The following COL4A6 variants were observed in gnomAD, a reference collection of about 807,000 sequenced individuals.
COL4A6 encodes the protein collagen alpha-6(IV) chain.
COL4A6 carries 59 observed loss-of-function variants against 126.7 expected under a neutral mutation model. That is an observed-to-expected ratio of 0.47 (90% CI 0.38 to 0.58). The LOEUF (loss-of-function observed/expected upper bound fraction) is 0.58. COL4A6 is among the 20% of genes least tolerant of loss of function. The probability of loss-of-function intolerance (pLI) is 0.00; values close to 1 mark genes in which losing one functional copy is unlikely to be tolerated. For missense variants in COL4A6, 1,285 were observed against 1,337.3 expected, an observed-to-expected ratio of 0.96 and a Z score of 0.61; for synonymous variants, 547 against 496.6, an observed-to-expected ratio of 1.10 and a Z score of -1.35.
intron 32 of COL4A6, 89 bp downstream of exon 32, chrX:108,172,365 GAAAAAAAAAAAAAAA>G: frequency 2.7e-5 from 3 of 111,304 alleles, no homozygotes; most frequent in East Asian, 1.6e-4. Context: ...GCCTAAAAAA[GAAAAAAAAAAAAAAA>G]AAAAAAAAAA....
chrX:108,380,336 T>C (rs2040535767), intron 2 of COL4A6, among the ~76,000 whole-genome samples: 1 of 112,477 alleles, frequency 8.9e-6, no homozygotes, highest in South Asian at 3.7e-4. Context: ...AAAAAAAGTT[T>C]AACTGAATCA....
At chrX:108,392,521 C>T (rs1038803440) in intron 2 of COL4A6, among the ~76,000 whole-genome samples, 3 of 109,936 alleles carry the variant, frequency 2.7e-5, no homozygotes, top group Admixed American at 9.6e-5. Context: ...TGAGAAGATG[C>T]TCAATATCAT....
intron 6 of COL4A6, among the ~76,000 whole-genome samples, chrX:108,213,262 A>G (rs1268021398): frequency 1.8e-5 from 2 of 112,418 alleles, no homozygotes; most frequent in Admixed American, 9.4e-5. Flanking sequence ...AATATCTCAG[A>G]TCAGTGCCCT....
intron 13 of COL4A6, among the ~76,000 whole-genome samples, chrX:108,201,517 T>C (rs2035391872): frequency 8.9e-6 from 1 of 111,844 alleles, no homozygotes; most frequent in Admixed American, 9.5e-5. Flanking sequence ...ATTGTCACTA[T>C]GTCTTAAAAA....
chrX:108,224,352 T>C (rs1005667128), intron 3 of COL4A6, among the ~76,000 whole-genome samples: 3 of 112,373 alleles, frequency 2.7e-5, no homozygotes, highest in African/African-American at 9.7e-5. Flanking sequence ...TAATTCTTTT[T>C]CCAAATAGAA....
intron 4 of COL4A6, 25 bp from the exon 5 acceptor site, chrX:108,219,767 A>G: frequency 8.6e-7 from 1 of 1,164,299 alleles, no homozygotes. Context: ...AGGGAGAGGA[A>G]TGTAAGACAC....
intron 2 of COL4A6, among the ~76,000 whole-genome samples, chrX:108,342,715 A>G (rs1313124724): frequency 8.9e-6 from 1 of 111,745 alleles, no homozygotes; most frequent in African/African-American, 3.3e-5. Flanking sequence ...TTGGGCCTGC[A>G]ATAGAGCCGA....
chrX:108,266,039 G>A (rs894622905), intron 3 of COL4A6, among the ~76,000 whole-genome samples: 2 of 111,906 alleles, frequency 1.8e-5, no homozygotes, highest in African/African-American at 6.5e-5. Flanking sequence ...CATCCTTGGA[G>A]GCAGACATAA....
In COL4A6 at chrX:108,160,656, TGAGA is replaced by T; in HGVS notation, c.4334-6_4334-3del. On this transcript the variant is annotated splice_region_variant and splice_polypyrimidine_tract_variant and intron_variant, in intron 42 of 44. Transcript: ENST00000334504. ...AGGGGCCTTGCTGCCCTGGAGCTCCTGAGAGAGACAGATCATAAAAGGTGAGTGT... is the reference window on the plus strand; with the variant it reads ...AGGGGCCTTGCTGCCCTGGAGCTCCTGAGACAGATCATAAAAGGTGAGTGT... 8.3e-7 allele frequency: 1 copy of T among 1,197,955 alleles called. No individual in the cohort carries two copies. Among genetic ancestry groups the T allele is most frequent in the Non-Finnish European group, 1.1e-6 (1 of 888,253 alleles).
intron 42 of COL4A6, among the ~76,000 whole-genome samples, chrX:108,161,230 G>A (rs755125327): frequency 9.0e-6 from 1 of 111,431 alleles, no homozygotes; most frequent in African/African-American, 3.3e-5. Context: ...GAGGTATATG[G>A]ACAGCCACGC....
chrX:108,256,216 A>G (rs1269688428), intron 3 of COL4A6, among the ~76,000 whole-genome samples: 3 of 112,312 alleles, frequency 2.7e-5, no homozygotes, highest in African/African-American at 9.7e-5. Flanking sequence ...AAATTTATTC[A>G]GGTAAACCTG....
At chrX:108,303,342 C>G (rs1231094111) in intron 3 of COL4A6, among the ~76,000 whole-genome samples, 1 of 110,600 alleles carries the variant, frequency 9.0e-6, no homozygotes, top group Non-Finnish European at 1.9e-5. Flanking sequence ...AAAGGAAGAA[C>G]AAGAAGCAAA....
At chrX:108,186,304 A>G (rs1344294321) in intron 23 of COL4A6, among the ~76,000 whole-genome samples, 1 of 112,043 alleles carries the variant, frequency 8.9e-6, no homozygotes, top group African/African-American at 3.2e-5. Flanking sequence ...CAACAAGCAT[A>G]TAGGTATTTG....
At chrX:108,401,891 T>C (rs188450898) in intron 2 of COL4A6, among the ~76,000 whole-genome samples, 134 of 111,373 alleles carry the variant, frequency 1.2e-3, no homozygotes, top group African/African-American at 4.2e-3. Flanking sequence ...TCCTTCAATC[T>C]ATTGATATTG....
chrX:108,195,203 T>C (rs775434493), intron 14 of COL4A6, 77 bp from the exon 15 acceptor site: 67 of 782,061 alleles, frequency 8.6e-5, no homozygotes, highest in Non-Finnish European at 1.2e-4. Context: ...ATAACAAAGT[T>C]ATCCAACTGA....
At chrX:108,309,440 G>A (rs1850648186) in intron 3 of COL4A6, among the ~76,000 whole-genome samples, 1 of 111,114 alleles carries the variant, frequency 9.0e-6, no homozygotes, top group South Asian at 3.8e-4. Context: ...CAACAAATAA[G>A]ATGTGAAGCT....
In COL4A6 at chrX:108,156,976, AGGGGCAGAGTGGCAG is replaced by A. The variant is rs1433936266; in HGVS notation, c.*9_*23del. 2.5e-6 allele frequency: 3 copies of A among 1,197,033 alleles called. No homozygotes were observed. The African/African-American group carries it at 5.3e-5, about 21-fold the overall frequency. ...CTGTTGTGAGGGGCAGGGGAGGGCA[AGGGGCAGAGTGGCAG>A]GTGCCACCCTACAGGCTTTTCATAC... On this transcript the variant is annotated 3_prime_UTR_variant, in exon 45 of 45. Coordinates refer to ENST00000334504, the MANE Select transcript of COL4A6 (RefSeq NM_033641.4).
At chrX:108,240,961 G>C (rs1210507535) in intron 3 of COL4A6, among the ~76,000 whole-genome samples, 2 of 111,109 alleles carry the variant, frequency 1.8e-5, no homozygotes, top group African/African-American at 3.3e-5. Flanking sequence ...GAAACAAATG[G>C]AGTTAATTTT....
At chrX:108,161,396 G>A (rs758113280) in intron 42 of COL4A6, among the ~76,000 whole-genome samples, 11 of 111,623 alleles carry the variant, frequency 9.9e-5, no homozygotes, top group African/African-American at 2.6e-4. Context: ...TTTGGATTTG[G>A]AACAGTCCTT....
Sources: gnomAD v4.1 joint callset for allele counts (sites outside exome capture counted in the v4.1 genomes callset) on GRCh38, gnomAD v4.1.1 for gene constraint, MANE v1.5 for transcripts, NCBI Gene and HGNC (gene_info 2026-07-23, HGNC 2026-07-21) for gene names.